The following TANGO6 variants were observed in gnomAD, a reference collection of about 807,000 sequenced individuals.
TANGO6 encodes the protein transport and golgi organization 6 homolog, also known as transport and Golgi organization protein 6 homolog.
In TANGO6, 90 loss-of-function variants were observed where a neutral mutation model predicts 114.2. The observed-to-expected ratio is 0.79, with a 90% CI of 0.66 to 0.94. TANGO6 has a LOEUF of 0.94. Among genes scored for constraint, TANGO6 ranks in the 40% least tolerant of loss-of-function variants. The pLI, the probability that TANGO6 is intolerant of heterozygous loss-of-function variation, is 0.00. For synonymous variants in TANGO6, 477 were observed against 509.8 expected, an observed-to-expected ratio of 0.94 and a Z score of 0.87; for missense variants, 1,274 against 1,315.3, an observed-to-expected ratio of 0.97 and a Z score of 0.49.
chr16:68,912,012 C>T (rs922459955), intron 11 of TANGO6, among the ~76,000 whole-genome samples: 3 of 152,112 alleles, frequency 2.0e-5, no homozygotes, highest in African/African-American at 7.2e-5. Context: ...AAGAAAAAAA[C>T]CCTCATAGGA....
chr16:68,895,847 T>A (rs1194564565), intron 7 of TANGO6, among the ~76,000 whole-genome samples: 3 of 152,224 alleles, frequency 2.0e-5, no homozygotes, highest in Non-Finnish European at 2.9e-5. Context: ...TTTATTATTT[T>A]AAAATTTTAA....
At chr16:68,880,475 T>C in intron 6 of TANGO6, 73 bp from the exon 7 acceptor site, 5 of 1,094,486 alleles carry the variant, frequency 4.6e-6, no homozygotes, top group South Asian at 3.2e-5. Flanking sequence ...TAGTAAAGCT[T>C]CCTTCCTTAG....
Position 68,980,382 on chromosome 16 carries a change from AT to A in TANGO6, c.2842+6216del, listed in dbSNP as rs1191088981. ...ATGAGTATGAATCTATCTGTCTGTC[AT>A]TCTCTCTCTCTCTCTCTCTCTCTCT... On this transcript the variant is annotated intron_variant, in intron 15 of 17. Transcript: ENST00000261778. 5.4e-3 allele frequency among the ~76,000 whole-genome samples: 180 copies of A among 33,246 alleles called. 3 individuals are homozygous for A. The highest frequency in any genetic ancestry group is 0.021 in the African/African-American group (164 of 7,940). The allele number at this position is 33,246 out of a possible 152,430, so 21.8% of individuals were successfully genotyped here. A position where few individuals can be genotyped will look rare whatever the true frequency, so the allele number is the denominator to read the frequency against.
At chr16:68,884,804 C>T (rs1017752182) in intron 7 of TANGO6, among the ~76,000 whole-genome samples, 25 of 152,038 alleles carry the variant, frequency 1.6e-4, no homozygotes, top group Admixed American at 1.4e-3. Context: ...TGCCATTTCT[C>T]CTATTCTTGG....
At chr16:68,990,480 C>T (rs1371462220) in intron 15 of TANGO6, among the ~76,000 whole-genome samples, 1 of 152,204 alleles carries the variant, frequency 6.6e-6, no homozygotes, top group African/African-American at 2.4e-5. Flanking sequence ...TATCTCCCAC[C>T]AGCTCCATCC....
intron 14 of TANGO6, among the ~76,000 whole-genome samples, chr16:68,934,449 T>C (rs1963279888): frequency 6.6e-6 from 1 of 152,134 alleles, no homozygotes; most frequent in Admixed American, 6.6e-5. Context: ...AGAGAATTAT[T>C]CAAAGAGACA....
At chr16:68,912,060 G>T (rs1430648138) in intron 11 of TANGO6, among the ~76,000 whole-genome samples, 1 of 152,210 alleles carries the variant, frequency 6.6e-6, no homozygotes, top group Non-Finnish European at 1.5e-5. Flanking sequence ...TCATTATTTG[G>T]TACCTTGTTA....
chr16:68,903,259 C>T (rs563499411), intron 9 of TANGO6, among the ~76,000 whole-genome samples: 2 of 152,222 alleles, frequency 1.3e-5, no homozygotes, highest in African/African-American at 4.8e-5. Context: ...TAGAAAAACA[C>T]ATAGATTGCA....
chr16:69,060,294 A>C lies in TANGO6; in HGVS notation c.3108+19873A>C, dbSNP rs1960095002. On this transcript the variant is annotated intron_variant, in intron 17 of 17. Transcript: ENST00000261778. ...CAGCCTCCCAGAGTTCTAGGACTAC[A>C]GGTGTGAGCCACTGCCCCCAGCCTC... 2.6e-5 allele frequency among the ~76,000 whole-genome samples: 4 copies of C among 152,178 alleles called. No individual in the cohort carries two copies. The South Asian group carries it at 8.3e-4, about 32-fold the overall frequency.
rs1373633815 is a variant in TANGO6, at chr16:68,880,620, A to T, written c.1367A>T (p.Asp456Val). 1.9e-6 allele frequency: 3 copies of T among 1,611,308 alleles called. No individual in the cohort carries two copies. Among genetic ancestry groups the T allele is most frequent in the Non-Finnish European group, 2.5e-6 (3 of 1,178,526 alleles). The change falls in exon 7 of 18, where the codon GAT becomes GTT. Residue 456 changes from aspartate (D) to valine (V), a missense_variant. By Grantham distance (152) the Asp-to-Val change is radical. Coordinates refer to ENST00000261778, the MANE Select transcript of TANGO6 (RefSeq NM_024562.2). ...TEEELSRCIE[D>V]VFKVYVVGNE... ...GAAGAACTTAGTAGATGCATTGAGGATGTGTTTAAGGTTGGTAATCTGAGT... is the reference window on the plus strand; with the variant it reads ...GAAGAACTTAGTAGATGCATTGAGGTTGTGTTTAAGGTTGGTAATCTGAGT...
intron 15 of TANGO6, among the ~76,000 whole-genome samples, chr16:69,020,923 TGTGTGTGTGTGTGTGTGTG>T (rs1460703213): frequency 1.5e-4 from 22 of 151,162 alleles, no homozygotes; most frequent in African/African-American, 4.9e-4. Flanking sequence ...TGTGTGTGTG[TGTGTGTGTGTGTGTGTGTG>T]GTGTGTGTGT....
At chr16:68,917,778 G>T (rs1966386201) in intron 11 of TANGO6, among the ~76,000 whole-genome samples, 1 of 152,038 alleles carries the variant, frequency 6.6e-6, no homozygotes, top group Admixed American at 6.6e-5. Context: ...TTCAAGATAG[G>T]ATCTCTCTCT....
chr16:68,867,274 G>C (rs764748526), intron 4 of TANGO6, 54 bp downstream of exon 4: 1 of 1,607,812 alleles, frequency 6.2e-7, no homozygotes, highest in Non-Finnish European at 8.5e-7. Flanking sequence ...TTGAGTCAGA[G>C]TCTGAGGTGA....
intron 16 of TANGO6, among the ~76,000 whole-genome samples, chr16:69,037,221 G>C (rs1003614243): frequency 1.3e-5 from 2 of 151,954 alleles, no homozygotes; most frequent in South Asian, 4.2e-4. Context: ...TCCCAGCTGT[G>C]GGATTAATGC....
intron 15 of TANGO6, among the ~76,000 whole-genome samples, chr16:68,991,346 T>C (rs965300858): frequency 6.6e-6 from 1 of 151,928 alleles, no homozygotes; most frequent in Non-Finnish European, 1.5e-5. Context: ...CTGGGCATGA[T>C]GGCTCATGCC....
intron 14 of TANGO6, among the ~76,000 whole-genome samples, chr16:68,933,528 G>C (rs957472184): frequency 5.3e-5 from 8 of 152,192 alleles, no homozygotes; most frequent in Non-Finnish European, 1.0e-4. Flanking sequence ...GCTTGGCTGG[G>C]CAGCTGGCCC....
At chr16:69,068,551 A>G (rs888557564) in intron 17 of TANGO6, among the ~76,000 whole-genome samples, 3 of 152,176 alleles carry the variant, frequency 2.0e-5, no homozygotes, top group African/African-American at 4.8e-5. Flanking sequence ...CCATTCATTC[A>G]TTCTTCAAAG....
chr16:68,984,904 A>G (rs1597047776), intron 15 of TANGO6, among the ~76,000 whole-genome samples: 1 of 151,942 alleles, frequency 6.6e-6, no homozygotes, highest in Admixed American at 6.6e-5. Flanking sequence ...TTACATTTTG[A>G]TGTATTTTCT....
intron 14 of TANGO6, among the ~76,000 whole-genome samples, chr16:68,965,720 GA>G (rs1963638655): frequency 6.6e-6 from 1 of 152,036 alleles, no homozygotes; most frequent in Non-Finnish European, 1.5e-5. Flanking sequence ...AAGATTGCTT[GA>G]ATCTGGGAGT....
Sources: gnomAD v4.1 joint callset for allele counts (sites outside exome capture counted in the v4.1 genomes callset) on GRCh38, gnomAD v4.1.1 for gene constraint, MANE v1.5 for transcripts, NCBI Gene and HGNC (gene_info 2026-07-23, HGNC 2026-07-21) for gene names.